Variants in SYN3 observed in about 807,000 individuals in gnomAD.
SYN3 encodes the protein synapsin-3.
Under a neutral mutation model 65.8 loss-of-function variants are expected in SYN3, and 35 were observed. That is an observed-to-expected ratio of 0.53 (90% CI 0.41 to 0.70). The LOEUF (loss-of-function observed/expected upper bound fraction) is 0.70. Among genes scored for constraint, SYN3 ranks in the 30% least tolerant of loss-of-function variants. SYN3 has a pLI of 0.00. For synonymous variants in SYN3, 270 were observed against 292.9 expected (o/e 0.92, Z 0.80); for missense variants, 680 against 749.0 (o/e 0.91, Z 1.08).
At chr22:32,980,354 G>T (rs2052334652) in intron 3 of SYN3, among the ~76,000 whole-genome samples, 1 of 152,144 alleles carries the variant, frequency 6.6e-6, no homozygotes, top group Admixed American at 6.5e-5. Flanking sequence ...CAGAAGTTGG[G>T]CTCCACCTGC....
chr22:32,950,664 G>C (rs2051262999), intron 3 of SYN3, among the ~76,000 whole-genome samples: 1 of 152,122 alleles, frequency 6.6e-6, no homozygotes, highest in Non-Finnish European at 1.5e-5. Flanking sequence ...CACATATCTA[G>C]TTAGTAACAT....
At chr22:32,895,119 T>C (rs907642708) in intron 4 of SYN3, among the ~76,000 whole-genome samples, 1 of 152,210 alleles carries the variant, frequency 6.6e-6, no homozygotes. Context: ...CCTGTAATGA[T>C]CTGAAGGATT....
Position 32,543,294 on chromosome 22 carries a change from T to C in SYN3, c.775-1581A>G, listed in dbSNP as rs187634494. Among the ~76,000 whole-genome samples, 9 of 152,302 alleles carry C rather than the reference T, an allele frequency of 5.9e-5. No homozygotes were observed. The East Asian group carries it at 1.7e-3, about 29-fold the overall frequency. ...AACAGATAAGGAAACTGAGATTTCTTGACTTGCTCAAGGTTATAAAGCAGC... is the reference window on the plus strand; with the variant it reads ...AACAGATAAGGAAACTGAGATTTCTCGACTTGCTCAAGGTTATAAAGCAGC... On this transcript the variant is annotated intron_variant, in intron 7 of 13. Coordinates refer to ENST00000358763, the MANE Select transcript of SYN3 (RefSeq NM_003490.4).
At chr22:32,585,492 T>A (rs1176621250) in intron 7 of SYN3, among the ~76,000 whole-genome samples, 2 of 152,112 alleles carry the variant, frequency 1.3e-5, no homozygotes, top group Admixed American at 6.5e-5. Flanking sequence ...GAAAATTGCA[T>A]TTACAGGTTT....
At chr22:32,625,195 G>A (rs1254275631) in intron 6 of SYN3, among the ~76,000 whole-genome samples, 1 of 152,196 alleles carries the variant, frequency 6.6e-6, no homozygotes. Flanking sequence ...CAGCCCACAG[G>A]CTGAATGTGG....
intron 4 of SYN3, among the ~76,000 whole-genome samples, chr22:32,919,880 G>A (rs1485632478): frequency 6.6e-6 from 1 of 152,044 alleles, no homozygotes; most frequent in Admixed American, 6.6e-5. Context: ...TGTAAAATGG[G>A]GACACATAGA....
At chr22:32,765,846 G>A (rs895875169) in intron 6 of SYN3, among the ~76,000 whole-genome samples, 3 of 152,170 alleles carry the variant, frequency 2.0e-5, no homozygotes, top group African/African-American at 7.2e-5. Flanking sequence ...AACTCAGGCT[G>A]TGTGGAAGAA....
rs1412099261 is a variant in SYN3, at chr22:32,528,952, CA to C, written c.1151del (p.Leu384ArgfsTer10). 6.2e-7 allele frequency: 1 copy of C among 1,614,110 alleles called. No homozygotes were observed. Among genetic ancestry groups the C allele is most frequent in the Non-Finnish European group, 8.5e-7 (1 of 1,180,044 alleles). On this transcript the variant is annotated frameshift_variant, in exon 11 of 14. Coordinates refer to ENST00000358763, the MANE Select transcript of SYN3 (RefSeq NM_003490.4). LOFTEE classifies it high-confidence loss of function. ...IGEHVEEDRQLMADLVVSKMS... is the reference protein window; with the variant it reads ...IGEHVEEDRQXMADLVVSKMS... ...TTTTGGAGACAACAAGGTCGGCCAT[CA>C]GCTGTCTGTCCTCTTCCACATGCTC...
At chr22:32,557,701 G>C (rs1028037452) in intron 7 of SYN3, among the ~76,000 whole-genome samples, 2 of 152,206 alleles carry the variant, frequency 1.3e-5, no homozygotes, top group Non-Finnish European at 2.9e-5. Flanking sequence ...GAATTGGGAG[G>C]GGAGCCTCGT....
chr22:32,610,635 T>G (rs2059429600), intron 6 of SYN3, among the ~76,000 whole-genome samples: 1 of 136,642 alleles, frequency 7.3e-6, no homozygotes, highest in South Asian at 2.5e-4. Flanking sequence ...CAGGCTGAAG[T>G]GCAATCACGC....
At chr22:32,953,851 A>G (rs1269870298) in intron 3 of SYN3, among the ~76,000 whole-genome samples, 2 of 152,144 alleles carry the variant, frequency 1.3e-5, no homozygotes, top group Non-Finnish European at 2.9e-5. Flanking sequence ...CTTCATCAAC[A>G]TCATCACACT....
intron 6 of SYN3, among the ~76,000 whole-genome samples, chr22:32,819,924 C>T (rs979443455): frequency 5.9e-5 from 9 of 152,204 alleles, no homozygotes; most frequent in African/African-American, 2.2e-4. Context: ...TTCTCGCAAC[C>T]ATAGTTTTCT....
chr22:32,931,217 G>A (rs1601719412), intron 4 of SYN3, 173 bp downstream of exon 4: 2 of 570,034 alleles, frequency 3.5e-6, no homozygotes, highest in South Asian at 3.9e-5. Flanking sequence ...CTGCACGTAT[G>A]ATATGTGCCG....
chr22:32,972,248 T>C lies in SYN3; in HGVS notation c.369+8397A>G, dbSNP rs556798865. ...GACATAAGTTTAGCATTGTCTATAA[T>C]AGTAAAATTATGGAAAACAAATTAT... On this transcript the variant is annotated intron_variant, in intron 3 of 13. Coordinates refer to ENST00000358763, the MANE Select transcript of SYN3 (RefSeq NM_003490.4). 2.6e-5 allele frequency among the ~76,000 whole-genome samples: 4 copies of C among 152,326 alleles called. No homozygotes were observed. In the South Asian group the frequency reaches 8.3e-4, roughly 32 times the overall value.
chr22:32,977,424 T>C (rs983418115), intron 3 of SYN3, among the ~76,000 whole-genome samples: 3 of 152,072 alleles, frequency 2.0e-5, no homozygotes, highest in East Asian at 1.9e-4. Context: ...ATCTACCAGA[T>C]GGTTTATGGA....
At chr22:32,909,853 C>G (rs1235143109) in intron 4 of SYN3, among the ~76,000 whole-genome samples, 1 of 152,158 alleles carries the variant, frequency 6.6e-6, no homozygotes, top group Non-Finnish European at 1.5e-5. Context: ...CAGTGCAGTT[C>G]CCGGGTCGGT....
intron 6 of SYN3, among the ~76,000 whole-genome samples, chr22:32,674,346 A>C (rs1417214041): frequency 6.6e-6 from 1 of 152,272 alleles, no homozygotes; most frequent in East Asian, 1.9e-4. Flanking sequence ...AGTGGTTCTG[A>C]TAGAAAGACT....
chr22:32,527,844 C>T, intron 12 of SYN3, 74 bp downstream of exon 12: 1 of 1,299,014 alleles, frequency 7.7e-7, no homozygotes, highest in Non-Finnish European at 1.1e-6. Context: ...TTGTGGGAAT[C>T]ACATGTGGAT....
chr22:32,812,880 G>T (rs1396581938), intron 6 of SYN3, among the ~76,000 whole-genome samples: 1 of 152,216 alleles, frequency 6.6e-6, no homozygotes, highest in Non-Finnish European at 1.5e-5. Flanking sequence ...AAGTTTGGAA[G>T]GTCAAACTTC....
Sources: allele counts gnomAD v4.1 joint callset (sites outside exome capture counted in the v4.1 genomes callset), GRCh38; gene constraint gnomAD v4.1.1; transcripts MANE v1.5; gene names NCBI Gene and HGNC (gene_info 2026-07-23, HGNC 2026-07-21).